CCSER1: variants seen among roughly 807,000 people sequenced by gnomAD.
CCSER1 encodes serine-rich coiled-coil domain-containing protein 1.
CCSER1 carries 41 observed loss-of-function variants against 82.0 expected under a neutral mutation model. That is an observed-to-expected ratio of 0.50 (90% CI 0.39 to 0.65). The LOEUF is 0.65. Ranked by LOEUF, CCSER1 falls within the 30% of genes least tolerant of loss-of-function variation. The pLI is 0.00. For synonymous variants in CCSER1, 414 were observed against 383.9 expected, an observed-to-expected ratio of 1.08 and a Z score of -0.92; for missense variants, 1,119 against 1,064.2, an observed-to-expected ratio of 1.05 and a Z score of -0.72.
chr4:91,559,787 T>G (rs529872086), intron 10 of CCSER1, among the ~76,000 whole-genome samples: 1 of 151,660 alleles, frequency 6.6e-6, no homozygotes, highest in Non-Finnish European at 1.5e-5. Context: ...TTTTTTCTAA[T>G]GTAAGTTGTA....
chr4:90,880,585 G>A (rs997832787), intron 8 of CCSER1, among the ~76,000 whole-genome samples: 1 of 152,170 alleles, frequency 6.6e-6, no homozygotes, highest in Non-Finnish European at 1.5e-5. Context: ...GAGGCTTTCA[G>A]TTGCCCTTGG....
intron 3 of CCSER1, among the ~76,000 whole-genome samples, chr4:90,353,112 C>G (rs1169014143): frequency 6.6e-6 from 1 of 152,074 alleles, no homozygotes. Context: ...CACTTCCTTC[C>G]CTGAGGTGTG....
chr4:90,969,142 G>C (rs767386792), intron 9 of CCSER1, among the ~76,000 whole-genome samples: 1 of 151,524 alleles, frequency 6.6e-6, no homozygotes, highest in Non-Finnish European at 1.5e-5. Flanking sequence ...AAAGAGTTAA[G>C]TAAGCCAGTG....
At chr4:91,012,399 C>G (rs1205919735) in intron 9 of CCSER1, among the ~76,000 whole-genome samples, 1 of 116,742 alleles carries the variant, frequency 8.6e-6, no homozygotes, top group African/African-American at 2.6e-5. Context: ...AGGGACAGGG[C>G]ACAGCAGTGA....
chr4:90,458,288 A>T (rs1023187218), intron 4 of CCSER1, among the ~76,000 whole-genome samples: 1 of 151,890 alleles, frequency 6.6e-6, no homozygotes, highest in African/African-American at 2.4e-5. Context: ...CACTGCAACC[A>T]GCATCTTCAC....
chr4:90,549,236 A>G (rs763328577), intron 5 of CCSER1, among the ~76,000 whole-genome samples: 7 of 152,204 alleles, frequency 4.6e-5, no homozygotes, highest in Non-Finnish European at 1.0e-4. Context: ...AATAACCTGT[A>G]TCATAATATG....
chr4:90,273,203 C>T (rs1488257863), intron 1 of CCSER1, among the ~76,000 whole-genome samples: 4 of 151,498 alleles, frequency 2.6e-5, no homozygotes, highest in Non-Finnish European at 5.9e-5. Context: ...ATGATGGTTA[C>T]CAGAGGCTGG....
intron 7 of CCSER1, among the ~76,000 whole-genome samples, chr4:90,799,640 T>C (rs1039714113): frequency 2.4e-4 from 36 of 152,036 alleles, no homozygotes; most frequent in African/African-American, 8.2e-4. Flanking sequence ...GCAGGCCCCA[T>C]ATGATGGGCA....
At chr4:90,948,687 A>C (rs72665453) in intron 9 of CCSER1, among the ~76,000 whole-genome samples, 31,473 of 151,952 alleles carry the variant, frequency 0.21, 3,751 homozygotes, top group Non-Finnish European at 0.26. Context: ...GCATATTTAC[A>C]TGCATTCTTA....
intron 9 of CCSER1, among the ~76,000 whole-genome samples, chr4:91,065,158 G>A (rs906647695): frequency 2.0e-5 from 3 of 152,056 alleles, no homozygotes; most frequent in Admixed American, 6.5e-5. Context: ...GATTAAGGAA[G>A]TATAAGGAAA....
intron 10 of CCSER1, among the ~76,000 whole-genome samples, chr4:91,501,699 T>C (rs1454098290): frequency 6.6e-6 from 1 of 152,098 alleles, no homozygotes; most frequent in Non-Finnish European, 1.5e-5. Context: ...CCTAGAATTA[T>C]TTTTACCTTT....
chr4:91,359,858 T>C (rs904505031), intron 10 of CCSER1, among the ~76,000 whole-genome samples: 6 of 151,808 alleles, frequency 4.0e-5, no homozygotes, highest in Non-Finnish European at 8.8e-5. Context: ...GTGGTGGTAA[T>C]TTTAGTGCAG....
rs1757100152 is a variant in CCSER1 at position 90,803,526 on chromosome 4, G to A, written c.2011-12236G>A. ...GGTTTCCAGCTTGTTCTATGTCCCT[G>A]CAAAGGACATGAACTCATCCTTTTT... On this transcript the variant is annotated intron_variant, in intron 7 of 10. Transcript: ENST00000509176. Among the ~76,000 whole-genome samples the A allele has an allele frequency of 3.3e-5, 5 of 152,118 alleles. No homozygotes were observed. The South Asian group carries it at 8.3e-4, about 25-fold the overall frequency.
At chr4:91,174,425 GACAA>G (rs1007246430) in intron 10 of CCSER1, among the ~76,000 whole-genome samples, 5 of 151,980 alleles carry the variant, frequency 3.3e-5, no homozygotes, top group African/African-American at 9.7e-5. Context: ...GATTTTGATG[GACAA>G]ACATTTTTTA....
intron 1 of CCSER1, among the ~76,000 whole-genome samples, chr4:90,225,319 G>GC (rs1424992155): frequency 6.9e-6 from 1 of 144,322 alleles, no homozygotes; most frequent in East Asian, 2.0e-4. Context: ...CAAGCCTTCT[G>GC]CCCACCATGG....
chr4:90,609,503 G>A (rs544783820), intron 5 of CCSER1, among the ~76,000 whole-genome samples: 1 of 152,074 alleles, frequency 6.6e-6, no homozygotes, highest in Non-Finnish European at 1.5e-5. Flanking sequence ...TATTCTGAAA[G>A]AATAAATAAA....
intron 8 of CCSER1, among the ~76,000 whole-genome samples, chr4:90,874,202 C>G (rs1253959248): frequency 6.6e-6 from 1 of 152,046 alleles, no homozygotes; most frequent in Non-Finnish European, 1.5e-5. Context: ...TCTCTAGGCA[C>G]AGCTTTAGGT....
At chr4:91,459,809 C>G (rs577340733) in intron 10 of CCSER1, among the ~76,000 whole-genome samples, 106 of 152,232 alleles carry the variant, frequency 7.0e-4, no homozygotes, top group African/African-American at 8.2e-4. Flanking sequence ...TTTGCAAAAA[C>G]TGCAGTTATT....
intron 6 of CCSER1, among the ~76,000 whole-genome samples, chr4:90,686,564 TCTTC>T (rs1734847498): frequency 1.3e-5 from 2 of 152,046 alleles, no homozygotes; most frequent in Admixed American, 6.6e-5. Flanking sequence ...GCCCAAAACC[TCTTC>T]AGGCAGAATT....
Sources: gnomAD v4.1 joint callset for allele counts (sites outside exome capture counted in the v4.1 genomes callset) on GRCh38, gnomAD v4.1.1 for gene constraint, MANE v1.5 for transcripts, NCBI Gene and HGNC (gene_info 2026-07-23, HGNC 2026-07-21) for gene names.